The following FNDC3B variants were observed in gnomAD, a reference collection of about 807,000 sequenced individuals.
FNDC3B encodes fibronectin type III domain-containing protein 3B.
In FNDC3B, 12 loss-of-function variants were observed where a neutral mutation model predicts 151.5. That is an observed-to-expected ratio of 0.08 (90% CI 0.05 to 0.13). The LOEUF (loss-of-function observed/expected upper bound fraction) is 0.13, where lower values mean the gene tolerates loss of function less well. Ranked by LOEUF, FNDC3B falls within the 10% of genes least tolerant of loss-of-function variation. The probability of loss-of-function intolerance (pLI) is 1.00; values close to 1 mark genes in which losing one functional copy is unlikely to be tolerated. For synonymous variants in FNDC3B, 528 were observed against 549.0 expected (o/e 0.96, Z 0.54); for missense variants, 1,214 against 1,505.3 (o/e 0.81, Z 3.20).
intron 19 of FNDC3B, among the ~76,000 whole-genome samples, chr3:172,345,490 A>G (rs1478209874): frequency 2.6e-5 from 4 of 152,208 alleles, no homozygotes; most frequent in East Asian, 1.9e-4. Context: ...TTAACCATAT[A>G]TATCGCTGTA....
At chr3:172,348,292 A>T (rs1733701896) in intron 21 of FNDC3B, among the ~76,000 whole-genome samples, 1 of 152,214 alleles carries the variant, frequency 6.6e-6, no homozygotes, top group Non-Finnish European at 1.5e-5. Context: ...TTTGGAGAAA[A>T]TATTCGCTTC....
At chr3:172,073,020 C>G (rs1383552069) in intron 1 of FNDC3B, among the ~76,000 whole-genome samples, 1 of 152,154 alleles carries the variant, frequency 6.6e-6, no homozygotes, top group South Asian at 2.1e-4. Flanking sequence ...TGGAAGCAAG[C>G]AAAGCCTCCA....
At chr3:172,129,978 T>C (rs1720988242) in intron 2 of FNDC3B, among the ~76,000 whole-genome samples, 1 of 151,776 alleles carries the variant, frequency 6.6e-6, no homozygotes, top group East Asian at 1.9e-4. Flanking sequence ...ATATTTCTGC[T>C]TTGTGGTTGG....
rs372713609 is a variant in FNDC3B, at chr3:172,371,705, G to A, written c.3009-6565G>A. On this transcript the variant is annotated intron_variant, in intron 23 of 25. Coordinates refer to ENST00000415807, the MANE Select transcript of FNDC3B (RefSeq NM_022763.4). ...GCTATGGGCAGTGCCTAGATTGGGCGCATTGCCCCATCTTGGTGTTTGCAG... is the reference window on the plus strand; with the variant it reads ...GCTATGGGCAGTGCCTAGATTGGGCACATTGCCCCATCTTGGTGTTTGCAG... Among the ~76,000 whole-genome samples, 157 of 152,276 alleles carry A rather than the reference G, an allele frequency of 1.0e-3. 2 individuals carry two copies. In the South Asian group the frequency reaches 0.03, roughly 29 times the overall value.
chr3:172,288,396 C>G (rs1730133847), intron 7 of FNDC3B, among the ~76,000 whole-genome samples: 2 of 152,234 alleles, frequency 1.3e-5, no homozygotes, highest in South Asian at 4.1e-4. Context: ...TAACTGGACT[C>G]TATCCTGTCT....
chr3:172,159,374 C>G (rs533756920), intron 3 of FNDC3B, among the ~76,000 whole-genome samples: 7 of 152,288 alleles, frequency 4.6e-5, no homozygotes, highest in African/African-American at 1.7e-4. Context: ...TATCCCTCCT[C>G]CCACACCACA....
At chr3:172,195,730 C>T (rs1724788203) in intron 3 of FNDC3B, among the ~76,000 whole-genome samples, 1 of 152,188 alleles carries the variant, frequency 6.6e-6, no homozygotes, top group African/African-American at 2.4e-5. Context: ...CAGGTTAAGT[C>T]ACAAGCCAGC....
At chr3:172,225,638 G>A (rs1170585368) in intron 3 of FNDC3B, 1 of 156,746 alleles carries the variant, frequency 6.4e-6, no homozygotes, top group Non-Finnish European at 1.4e-5. Flanking sequence ...TTCTTCTTGG[G>A]AGTGGTATGA....
At chr3:172,385,780 G>A (rs550712009) in intron 25 of FNDC3B, among the ~76,000 whole-genome samples, 12 of 152,044 alleles carry the variant, frequency 7.9e-5, no homozygotes, top group South Asian at 2.1e-4. Context: ...GGATGGTCTC[G>A]ATCTCCTGAC....
At chr3:172,299,532 CT>C (rs1029094441) in intron 9 of FNDC3B, among the ~76,000 whole-genome samples, 13 of 151,940 alleles carry the variant, frequency 8.6e-5, no homozygotes, top group South Asian at 6.2e-4. Flanking sequence ...ACTAAAAAAA[CT>C]TTTTTTTAAT....
At chr3:172,163,166 G>A (rs79478309) in intron 3 of FNDC3B, among the ~76,000 whole-genome samples, 2,802 of 152,232 alleles carry the variant, frequency 0.018, 31 homozygotes, top group Non-Finnish European at 0.029. Flanking sequence ...AGCTACTTGG[G>A]AGGCTGAGAT....
At position 172,115,854 on chromosome 3, in the gene FNDC3B, C is replaced by T. The variant is rs112346344; in HGVS notation, c.111+3264C>T. ...TATTTACAGCGTTCTTAATACTTTGCAGCTGTGCAAAGGACATTCTAAACA... is the reference window on the plus strand; with the variant it reads ...TATTTACAGCGTTCTTAATACTTTGTAGCTGTGCAAAGGACATTCTAAACA... On this transcript the variant is annotated intron_variant, in intron 2 of 25. Transcript: ENST00000415807. Among the ~76,000 whole-genome samples, 940 of 152,274 alleles carry T rather than the reference C, an allele frequency of 6.2e-3. 5 individuals carry two copies. Among genetic ancestry groups the T allele is most frequent in the African/African-American group, 0.021 (886 of 41,538 alleles).
At chr3:172,103,226 T>A (rs1157744877) in intron 1 of FNDC3B, among the ~76,000 whole-genome samples, 3 of 152,138 alleles carry the variant, frequency 2.0e-5, no homozygotes, top group East Asian at 3.8e-4. Context: ...ACTGAGCTGG[T>A]ATTATGTGAG....
chr3:172,307,483 A>G lies in FNDC3B; in HGVS notation c.1182A>G (p.Ser394=). Residue 394 remains serine, a synonymous_variant, in exon 10 of 26, where the codon TCA becomes TCG. Transcript: ENST00000415807. ...PPKLAHRSKS[S]LTLQWKAPID... is the part of the protein sequence containing the mutation. Reference sequence around the variant, plus strand: ...AGCTGGCACATAGGAGCAAAAGTTCACTAACCCTGCAGTGGAAGGTGGGTA... The same window carrying G: ...AGCTGGCACATAGGAGCAAAAGTTCGCTAACCCTGCAGTGGAAGGTGGGTA... 1 of 1,614,120 alleles carries G rather than the reference A, an allele frequency of 6.2e-7. No individual in the cohort carries two copies. Among genetic ancestry groups the G allele is most frequent in the Non-Finnish European group, 8.5e-7 (1 of 1,180,006 alleles).
chr3:172,122,121 C>T (rs1372690313), intron 2 of FNDC3B, among the ~76,000 whole-genome samples: 2 of 152,234 alleles, frequency 1.3e-5, no homozygotes, highest in Non-Finnish European at 2.9e-5. Flanking sequence ...TAATCGTTTT[C>T]ATGTAGGCAG....
chr3:172,060,030 A>G (rs926949974), intron 1 of FNDC3B, among the ~76,000 whole-genome samples: 1 of 152,226 alleles, frequency 6.6e-6, no homozygotes, highest in Non-Finnish European at 1.5e-5. Flanking sequence ...AGATTTAGCC[A>G]GGTAGTCACT....
chr3:172,282,848 G>A (rs1729808378), intron 6 of FNDC3B, among the ~76,000 whole-genome samples: 1 of 152,198 alleles, frequency 6.6e-6, no homozygotes, highest in Admixed American at 6.5e-5. Context: ...TGGCCCTGGA[G>A]AAATCACATC....
At chr3:172,154,495 C>T (rs902398844) in intron 3 of FNDC3B, among the ~76,000 whole-genome samples, 3 of 152,130 alleles carry the variant, frequency 2.0e-5, no homozygotes, top group Admixed American at 6.5e-5. Flanking sequence ...CATGAGCCAC[C>T]GTGCCCAGGC....
chr3:172,041,022 A>G (rs1716018194), intron 1 of FNDC3B, among the ~76,000 whole-genome samples: 1 of 152,340 alleles, frequency 6.6e-6, no homozygotes, highest in East Asian at 1.9e-4. Context: ...TGCCGTTTGC[A>G]GACTTCCTTA....
Sources: allele counts gnomAD v4.1 joint callset (sites outside exome capture counted in the v4.1 genomes callset), GRCh38; gene constraint gnomAD v4.1.1; transcripts MANE v1.5; gene names NCBI Gene and HGNC (gene_info 2026-07-23, HGNC 2026-07-21).